The following DLC1 variants were observed in gnomAD, a reference collection of about 807,000 sequenced individuals.
DLC1 encodes rho GTPase-activating protein 7.
DLC1 carries 54 observed loss-of-function variants against 140.3 expected under a neutral mutation model. The observed-to-expected ratio is 0.38, with a 90% CI of 0.31 to 0.48. DLC1 has a LOEUF of 0.48. Ranked by LOEUF, DLC1 falls within the 20% of genes least tolerant of loss-of-function variation. The pLI is 0.96. For missense variants in DLC1, 2,536 were observed against 1,907.0 expected, an observed-to-expected ratio of 1.33 and a Z score of -6.14; for synonymous variants, 986 against 728.1, an observed-to-expected ratio of 1.35 and a Z score of -5.70.
chr8:13,297,284 A>AAAAAAAAAAAAAAAAAAAAAAAAAAAC (rs1563233197), intron 5 of DLC1, among the ~76,000 whole-genome samples: 1 of 139,718 alleles, frequency 7.2e-6, no homozygotes, highest in Non-Finnish European at 1.6e-5. Flanking sequence ...TCATACATTA[A>AAAAAAAAAAAAAAAAAAAAAAAAAAAC]AAAAAAAAAA....
intron 5 of DLC1, chr8:13,214,919 A>G (rs1211288648): frequency 3.1e-6 from 2 of 639,146 alleles, no homozygotes; most frequent in Non-Finnish European, 5.6e-6. Flanking sequence ...GATATTGTCA[A>G]ACTCAGCACC....
intron 12 of DLC1, 104 bp from the exon 13 acceptor site, chr8:13,092,929 C>T (rs536781142): frequency 3.9e-6 from 5 of 1,268,900 alleles, no homozygotes; most frequent in Admixed American, 4.1e-5. Context: ...CAGCCCAGTA[C>T]TGAACAAGCA....
At chr8:13,103,328 A>G (rs1355104389) in intron 7 of DLC1, among the ~76,000 whole-genome samples, 1 of 142,442 alleles carries the variant, frequency 7.0e-6, no homozygotes, top group Non-Finnish European at 1.5e-5. Flanking sequence ...ATAAATAAAT[A>G]AATAAATAAA....
chr8:13,338,912 C>A (rs1298953153), intron 4 of DLC1, among the ~76,000 whole-genome samples: 1 of 152,140 alleles, frequency 6.6e-6, no homozygotes, highest in African/African-American at 2.4e-5. Context: ...TACTTTTGTA[C>A]CCTTTAATTA....
chr8:13,225,757 A>T (rs572885472), intron 5 of DLC1, among the ~76,000 whole-genome samples: 2 of 151,802 alleles, frequency 1.3e-5, no homozygotes, highest in Non-Finnish European at 2.9e-5. Flanking sequence ...CTGGGACTAC[A>T]GGCACCCGCC....
At chr8:13,358,899 G>C (rs1336733721) in intron 4 of DLC1, among the ~76,000 whole-genome samples, 1 of 152,172 alleles carries the variant, frequency 6.6e-6, no homozygotes, top group Admixed American at 6.5e-5. Flanking sequence ...AACACTATTT[G>C]AAAAGTAATG....
In DLC1 at chr8:13,158,801, C is replaced by T. The variant is rs538970983; in HGVS notation, c.1349-43144G>A. Among the ~76,000 whole-genome samples, 226 of 137,874 alleles carry T rather than the reference C, an allele frequency of 1.6e-3. 1 individual carries two copies. The highest frequency in any genetic ancestry group is 5.7e-3 in the African/African-American group (218 of 37,974). The allele number at this position is 137,874 out of a possible 152,430, so 90.5% of individuals were successfully genotyped here. A position where few individuals can be genotyped will look rare whatever the true frequency, so the allele number is the denominator to read the frequency against. On this transcript the variant is annotated intron_variant, in intron 5 of 17. Transcript: ENST00000276297. The stretch of plus-strand genomic sequence containing the variant: ...CCTCTGTCTTATTTTTCTTTGACAC[C>T]TCTGCATCATAAGACAGGTTAGGTA...
At chr8:13,088,338 T>G in intron 16 of DLC1, 149 bp downstream of exon 16, 1 of 937,124 alleles carries the variant, frequency 1.1e-6, no homozygotes, top group East Asian at 2.7e-5. Context: ...CACCTTGGCC[T>G]CCCAGAGTGC....
intron 4 of DLC1, among the ~76,000 whole-genome samples, chr8:13,360,754 G>GA (rs1244364178): frequency 6.6e-6 from 1 of 151,376 alleles, no homozygotes; most frequent in South Asian, 2.1e-4. Context: ...AGAAAACAAT[G>GA]AAAAAAATAA....
chr8:13,394,472 G>A (rs1056463768), intron 3 of DLC1, among the ~76,000 whole-genome samples: 1 of 149,974 alleles, frequency 6.7e-6, no homozygotes, highest in Non-Finnish European at 1.5e-5. Flanking sequence ...GAATTACCTG[G>A]TAACCTCTGC....
intron 2 of DLC1, among the ~76,000 whole-genome samples, chr8:13,494,727 G>T (rs1325327686): frequency 1.3e-5 from 2 of 152,090 alleles, no homozygotes; most frequent in African/African-American, 2.4e-5. Flanking sequence ...GAGGCAGGTG[G>T]ATCACTTGAG....
chr8:13,221,726 G>GTGTATATA (rs952162614), intron 5 of DLC1, among the ~76,000 whole-genome samples: 63 of 132,438 alleles, frequency 4.8e-4, no homozygotes, highest in African/African-American at 1.7e-3. Flanking sequence ...GTGTGTGTGT[G>GTGTATATA]TATATATATA....
chr8:13,511,931 ACT>A (rs1211250314), intron 1 of DLC1, among the ~76,000 whole-genome samples: 5 of 152,186 alleles, frequency 3.3e-5, no homozygotes, highest in African/African-American at 1.2e-4. Context: ...AAGATCTAAA[ACT>A]CTATGAATAA....
At position 13,086,483 on chromosome 8, in the gene DLC1, G is replaced by C. The variant is rs1817572904; in HGVS notation, c.4293-20C>G. 6.2e-7 allele frequency: 1 copy of C among 1,602,670 alleles called. No homozygotes were observed. The highest frequency in any genetic ancestry group is 1.3e-5 in the African/African-American group (1 of 74,334). On this transcript the variant is annotated intron_variant, in intron 16 of 17. Coordinates refer to ENST00000276297, the MANE Select transcript of DLC1 (RefSeq NM_182643.3). ...CAGGTTCTGTAGAGACAAAACCAGAGGCAGAAATGATGGAATTTCATAGAA... is the reference window on the plus strand; with the variant it reads ...CAGGTTCTGTAGAGACAAAACCAGACGCAGAAATGATGGAATTTCATAGAA...
In DLC1 at chr8:13,588,193, T is replaced by C. The variant is rs145157085; in HGVS notation, c.-126+16344A>G. Reference sequence around the variant, plus strand: ...ATTACATAATGGCAGAGAAAACAGATGAACAATGGAAAAAGAATGGGGTTA... The same window carrying C: ...ATTACATAATGGCAGAGAAAACAGACGAACAATGGAAAAAGAATGGGGTTA... On this transcript the variant is annotated intron_variant, in intron 1 of 1. Coordinates refer to the DLC1 transcript ENST00000631382. 4.5e-3 allele frequency among the ~76,000 whole-genome samples: 681 copies of C among 151,858 alleles called. 7 individuals carry two copies. The highest frequency in any genetic ancestry group is 0.01 in the Middle Eastern group (3 of 292).
chr8:13,467,035 A>C (rs1799973290), intron 2 of DLC1, among the ~76,000 whole-genome samples: 1 of 152,064 alleles, frequency 6.6e-6, no homozygotes, highest in African/African-American at 2.4e-5. Context: ...AATATGTTTC[A>C]CTCATGTTTC....
At chr8:13,319,340 A>G (rs1628252) in intron 4 of DLC1, among the ~76,000 whole-genome samples, 147,675 of 152,182 alleles carry the variant, frequency 0.97, 71,820 homozygotes, top group Middle Eastern at 1. Context: ...GCTTGCAAAC[A>G]TCATTCTCTC....
intron 3 of DLC1, among the ~76,000 whole-genome samples, chr8:13,396,743 C>T (rs1438575309): frequency 1.3e-5 from 2 of 152,188 alleles, no homozygotes; most frequent in African/African-American, 4.8e-5. Context: ...ATAGGACCAT[C>T]AATGTGTAGT....
intron 5 of DLC1, among the ~76,000 whole-genome samples, chr8:13,240,613 T>G (rs1261677532): frequency 1.3e-5 from 2 of 151,960 alleles, no homozygotes; most frequent in African/African-American, 4.8e-5. Flanking sequence ...TTTTGATTTT[T>G]GTAGAGATGA....
Sources: allele counts gnomAD v4.1 joint callset (sites outside exome capture counted in the v4.1 genomes callset), GRCh38; gene constraint gnomAD v4.1.1; transcripts MANE v1.5; gene names NCBI Gene and HGNC (gene_info 2026-07-23, HGNC 2026-07-21).